The following FAM20C variants were observed in gnomAD, a reference collection of about 807,000 sequenced individuals.
FAM20C encodes the protein FAM20C golgi associated secretory pathway kinase.
In FAM20C, 40 loss-of-function variants were observed where a neutral mutation model predicts 51.5. The observed-to-expected ratio is 0.78, with a 90% confidence interval of 0.60 to 1.01. FAM20C has a LOEUF of 1.01. FAM20C is among the 50% of genes least tolerant of loss of function. The probability of loss-of-function intolerance (pLI) is 0.00; values close to 1 mark genes in which losing one functional copy is unlikely to be tolerated. For missense variants in FAM20C, 861 were observed against 844.7 expected (o/e 1.02, Z -0.24); for synonymous variants, 406 against 380.6 (o/e 1.07, Z -0.78).
chr7:242,186 G>T (rs1386380547), intron 3 of FAM20C, among the ~76,000 whole-genome samples: 1 of 152,220 alleles, frequency 6.6e-6, no homozygotes, highest in Non-Finnish European at 1.5e-5. Flanking sequence ...GGCCCTGTGT[G>T]TGCCCGTCCC....
chr7:258,797 G>A (rs1788752619), intron 9 of FAM20C, 92 bp downstream of exon 9: 3 of 1,235,208 alleles, frequency 2.4e-6, no homozygotes, highest in Admixed American at 2.4e-5. Flanking sequence ...CCCCACCCCG[G>A]CCATCACATG....
intron 8 of FAM20C, among the ~76,000 whole-genome samples, chr7:257,795 T>TG (rs1354995455): frequency 7.3e-4 from 88 of 120,402 alleles, no homozygotes; most frequent in African/African-American, 1.6e-3. Context: ...GTGCTGGAGA[T>TG]GGGCTGGGTG....
intron 3 of FAM20C, among the ~76,000 whole-genome samples, chr7:222,818 AGTGT>A (rs1264341948): frequency 6.6e-6 from 1 of 151,494 alleles, no homozygotes; most frequent in African/African-American, 2.4e-5. Flanking sequence ...CATGTGTATG[AGTGT>A]GTAAGGGCAT....
intron 9 of FAM20C, 41 bp downstream of exon 9, chr7:258,746 C>A: frequency 6.6e-7 from 1 of 1,515,888 alleles, no homozygotes; most frequent in Non-Finnish European, 8.8e-7. Flanking sequence ...CCACCCTCCT[C>A]CCTACTGCGC....
At chr7:205,570 C>T (rs961479894) in intron 2 of FAM20C, among the ~76,000 whole-genome samples, 2 of 152,106 alleles carry the variant, frequency 1.3e-5, no homozygotes, top group African/African-American at 2.4e-5. Context: ...AGGGGAGGGG[C>T]GGGAGGTGCA....
At chr7:240,294 G>A (rs1478152838) in intron 3 of FAM20C, among the ~76,000 whole-genome samples, 10 of 278 alleles carry the variant, frequency 0.036, no homozygotes, top group Non-Finnish European at 0.06. Context: ...GATCATGGTA[G>A]AGGTAATAGT....
intron 3 of FAM20C, among the ~76,000 whole-genome samples, chr7:213,603 A>G (rs62430294): frequency 0.17 from 25,188 of 152,100 alleles, 2,736 homozygotes; most frequent in African/African-American, 0.31. Flanking sequence ...CGCTTTTGAC[A>G]ATCAAGGATA....
At chr7:227,346 G>T (rs1348684478) in intron 3 of FAM20C, among the ~76,000 whole-genome samples, 1 of 151,974 alleles carries the variant, frequency 6.6e-6, no homozygotes, top group African/African-American at 2.4e-5. Context: ...AAAGCAGTTT[G>T]CTCAGGTCTG....
chr7:215,291 C>T (rs190013871), intron 3 of FAM20C, among the ~76,000 whole-genome samples: 614 of 18,626 alleles, frequency 0.033, 61 homozygotes, highest in African/African-American at 0.075. Flanking sequence ...GAGCAGGGCC[C>T]GTGGTGTATG....
intron 1 of FAM20C, chr7:195,278 C>T (rs957860278): frequency 8.0e-6 from 3 of 375,878 alleles, no homozygotes; most frequent in Non-Finnish European, 1.4e-5. Flanking sequence ...GCGCTGACGT[C>T]CTGGAATTAG....
At chr7:210,100 C>T (rs1337531346) in intron 3 of FAM20C, among the ~76,000 whole-genome samples, 2 of 152,226 alleles carry the variant, frequency 1.3e-5, no homozygotes, top group South Asian at 2.1e-4. Flanking sequence ...GGGGAGCAGC[C>T]GTTCACCAAA....
chr7:257,809 C>A (rs368806979), intron 8 of FAM20C, among the ~76,000 whole-genome samples: 92 of 116,948 alleles, frequency 7.9e-4, no homozygotes, highest in Middle Eastern at 4.8e-3. Context: ...CTGGGTGGAC[C>A]CACTGCCCGG....
chr7:232,736 G>A (rs1039879226), intron 3 of FAM20C, among the ~76,000 whole-genome samples: 36 of 152,360 alleles, frequency 2.4e-4, no homozygotes, highest in East Asian at 5.8e-4. Context: ...GGCCAGCTCC[G>A]GGAATGCCTA....
chr7:211,397 A>T (rs1352096306), intron 3 of FAM20C, among the ~76,000 whole-genome samples: 1 of 66,368 alleles, frequency 1.5e-5, no homozygotes, highest in Non-Finnish European at 3.2e-5. Context: ...CCAACCTTCC[A>T]CCTCACCTCC....
intron 1 of FAM20C, among the ~76,000 whole-genome samples, chr7:194,958 C>A (rs199937094): frequency 4.6e-5 from 7 of 152,314 alleles, no homozygotes; most frequent in Admixed American, 2.0e-4. Flanking sequence ...GCGTGGGCGG[C>A]GGGTCCTCCA....
intron 3 of FAM20C, chr7:229,236 G>A (rs1385072916): frequency 4.2e-6 from 1 of 240,834 alleles, no homozygotes; most frequent in Non-Finnish European, 8.3e-6. Context: ...GTGCAATGAG[G>A]CAGCCCCCTT....
intron 5 of FAM20C, among the ~76,000 whole-genome samples, chr7:255,363 C>T (rs934035217): frequency 1.3e-5 from 2 of 152,184 alleles, no homozygotes; most frequent in Non-Finnish European, 2.9e-5. Context: ...GCTTGTCGGC[C>T]ATCAGGGTCG....
intron 3 of FAM20C, among the ~76,000 whole-genome samples, chr7:223,053 GCA>G (rs1787309965): frequency 6.6e-6 from 1 of 152,106 alleles, no homozygotes; most frequent in Non-Finnish European, 1.5e-5. Context: ...GCGTGTGTGT[GCA>G]CACTCATGCA....
intron 3 of FAM20C, among the ~76,000 whole-genome samples, chr7:219,264 C>T (rs578060426): frequency 5.2e-4 from 79 of 152,120 alleles, no homozygotes; most frequent in African/African-American, 1.9e-3. Context: ...GGGCTGGGGT[C>T]GCTGCATGAA....
Sources: allele counts gnomAD v4.1 joint callset (sites outside exome capture counted in the v4.1 genomes callset), GRCh38; gene constraint gnomAD v4.1.1; transcripts MANE v1.5; gene names NCBI Gene and HGNC (gene_info 2026-07-23, HGNC 2026-07-21).